SAXO1: variants seen among roughly 807,000 people sequenced by gnomAD.
The protein encoded by SAXO1 is stabilizer of axonemal microtubules 1, also known as 4930500O09Rik.
A neutral mutation model predicts 17.5 loss-of-function variants in SAXO1; 21 were observed. The observed-to-expected ratio is 1.20, with a 90% CI of 0.85 to 1.72. The LOEUF (loss-of-function observed/expected upper bound fraction) is 1.72. Among genes scored for constraint, SAXO1 ranks in the 40% most tolerant of loss-of-function variants. SAXO1 has a pLI of 0.00. For missense variants in SAXO1, 843 were observed against 596.0 expected (o/e 1.41, Z -4.32); for synonymous variants, 274 against 216.5 (o/e 1.27, Z -2.33).
At chr9:18,938,827 T>C (rs1212356692) in intron 3 of SAXO1, among the ~76,000 whole-genome samples, 4 of 110,154 alleles carry the variant, frequency 3.6e-5, no homozygotes, top group African/African-American at 1.0e-4. Flanking sequence ...CGTGCGTGTG[T>C]GTGTGTGTGT....
chr9:19,041,607 A>C (rs547632101), intron 1 of SAXO1, among the ~76,000 whole-genome samples: 2 of 152,338 alleles, frequency 1.3e-5, no homozygotes, highest in African/African-American at 4.8e-5. Context: ...CACATAGACC[A>C]ATAGAACAGA....
chr9:18,965,206 G>T (rs1832665466), intron 1 of SAXO1, among the ~76,000 whole-genome samples: 1 of 152,214 alleles, frequency 6.6e-6, no homozygotes, highest in Non-Finnish European at 1.5e-5. Flanking sequence ...TAAGTGTGAT[G>T]TGGTGCTGAG....
chr9:19,005,674 C>T (rs979822647), intron 1 of SAXO1, among the ~76,000 whole-genome samples: 3 of 152,124 alleles, frequency 2.0e-5, no homozygotes, highest in Non-Finnish European at 2.9e-5. Context: ...ACTATACAAA[C>T]GCTGAGAAGA....
chr9:19,029,700 G>C, intron 1 of SAXO1, among the ~76,000 whole-genome samples: 1 of 152,256 alleles, frequency 6.6e-6, no homozygotes, highest in South Asian at 2.1e-4. Flanking sequence ...TGCCGGTATG[G>C]GAGTGACTAT....
rs1554665952 is a variant in SAXO1, at chr9:18,927,885, TCC to T, written c.*165_*166del. The T allele has an allele frequency of 5.8e-6, 4 of 688,178 alleles. No homozygotes were observed. The highest frequency in any genetic ancestry group is 9.1e-6 in the Non-Finnish European group (4 of 438,432). 42.6% of individuals were successfully genotyped at this position (688,178 alleles called of 1,614,324 possible). On this transcript the variant is annotated 3_prime_UTR_variant, in exon 4 of 4. Transcript: ENST00000380534. ...ATTAGCCGGTGATTAAATGTCATTT[TCC>T]CTGAGTCAAGTGATTCTCATTTTAT... is the stretch of plus-strand genomic sequence containing the variant.
At chr9:19,026,956 C>A in intron 1 of SAXO1, 2 of 884,816 alleles carry the variant, frequency 2.3e-6, no homozygotes, top group Non-Finnish European at 1.9e-6. Context: ...AACATGTCCA[C>A]GGAGGAGATC....
At chr9:19,035,282 C>A (rs1457606967), upstream of SAXO1, among the ~76,000 whole-genome samples, 1 of 152,174 alleles carries the variant, frequency 6.6e-6, no homozygotes, top group African/African-American at 2.4e-5. Context: ...CCATACTGCT[C>A]TTATGATAGA....
At chr9:18,940,858 A>G (rs538947815) in intron 3 of SAXO1, among the ~76,000 whole-genome samples, 3 of 152,190 alleles carry the variant, frequency 2.0e-5, no homozygotes, top group Non-Finnish European at 4.4e-5. Context: ...GGTAATATCA[A>G]TAGATACTCA....
chr9:18,976,231 C>A (rs1833146622), intron 1 of SAXO1, among the ~76,000 whole-genome samples: 1 of 152,150 alleles, frequency 6.6e-6, no homozygotes, highest in Non-Finnish European at 1.5e-5. Context: ...GAAAGAACTG[C>A]ATGGGACTGG....
intron 1 of SAXO1, among the ~76,000 whole-genome samples, chr9:18,951,179 C>T (rs1466785660): frequency 6.6e-6 from 1 of 152,132 alleles, no homozygotes; most frequent in East Asian, 1.9e-4. Flanking sequence ...CACAAGCTGT[C>T]ACACATGCCA....
At chr9:18,971,953 G>A (rs1422298972) in intron 1 of SAXO1, among the ~76,000 whole-genome samples, 2 of 151,644 alleles carry the variant, frequency 1.3e-5, no homozygotes, top group African/African-American at 2.4e-5. Context: ...TAACAAAAGA[G>A]CCAGGTTTTG....
At chr9:18,997,185 C>A (rs1396799728) in intron 1 of SAXO1, among the ~76,000 whole-genome samples, 1 of 152,230 alleles carries the variant, frequency 6.6e-6, no homozygotes, top group Admixed American at 6.5e-5. Context: ...ATTTCCCTTT[C>A]CTAACCAAGG....
At chr9:19,032,771 C>T (rs1835821445) in intron 1 of SAXO1, 100 bp downstream of exon 1, 2 of 1,363,454 alleles carry the variant, frequency 1.5e-6, no homozygotes, top group Non-Finnish European at 1.0e-6. Context: ...GACGAACCCA[C>T]CGTGATGCCG....
intron 1 of SAXO1, among the ~76,000 whole-genome samples, chr9:19,047,772 C>T (rs1836257478): frequency 6.6e-6 from 1 of 152,170 alleles, no homozygotes; most frequent in Non-Finnish European, 1.5e-5. Context: ...TTCAGACATC[C>T]AATCTCTTGA....
chr9:18,963,212 T>C (rs1032046874), intron 1 of SAXO1, among the ~76,000 whole-genome samples: 1 of 152,226 alleles, frequency 6.6e-6, no homozygotes, highest in Non-Finnish European at 1.5e-5. Flanking sequence ...CCTTGTAGTA[T>C]AGTTTGAAGT....
chr9:18,980,665 T>C (rs1383566991), intron 1 of SAXO1, among the ~76,000 whole-genome samples: 1 of 151,162 alleles, frequency 6.6e-6, no homozygotes, highest in Non-Finnish European at 1.5e-5. Context: ...CCAGATATAC[T>C]AGCCCTCTTT....
At chr9:19,032,833 A>C in intron 1 of SAXO1, 38 bp downstream of exon 1, 1 of 1,604,108 alleles carries the variant, frequency 6.2e-7, no homozygotes, top group Non-Finnish European at 8.5e-7. Flanking sequence ...CTGAAAACCC[A>C]GGCTCCCCCA....
chr9:18,974,046 G>A (rs1833042834), intron 1 of SAXO1, among the ~76,000 whole-genome samples: 1 of 152,184 alleles, frequency 6.6e-6, no homozygotes, highest in Admixed American at 6.5e-5. Context: ...GGGCCCTTAT[G>A]TCTTATGTTG....
chr9:18,972,507 G>A (rs2131798096), intron 1 of SAXO1, among the ~76,000 whole-genome samples: 1 of 152,244 alleles, frequency 6.6e-6, no homozygotes, highest in East Asian at 1.9e-4. Flanking sequence ...GTTCTTACCT[G>A]TTTATCTGTA....
Sources: gnomAD v4.1 joint callset for allele counts (sites outside exome capture counted in the v4.1 genomes callset) on GRCh38, gnomAD v4.1.1 for gene constraint, MANE v1.5 for transcripts, NCBI Gene and HGNC (gene_info 2026-07-23, HGNC 2026-07-21) for gene names.